Variants in BABAM2 observed in about 807,000 individuals in gnomAD.
The protein encoded by BABAM2 is BRISC and BRCA1-A complex member 2.
A neutral mutation model predicts 54.7 loss-of-function variants in BABAM2; 31 were observed. The ratio of observed to expected loss-of-function variants is 0.57; its 90% confidence interval spans 0.43 to 0.77. The LOEUF is 0.77. Ranked by LOEUF, BABAM2 falls within the 30% of genes least tolerant of loss-of-function variation. The probability of loss-of-function intolerance (pLI) is 0.00; values close to 1 mark genes in which losing one functional copy is unlikely to be tolerated. For synonymous variants in BABAM2, 167 were observed against 162.9 expected (o/e 1.03, Z -0.19); for missense variants, 364 against 455.8 (o/e 0.80, Z 1.83).
chr2:28,031,824 A>C (rs1444960782), intron 5 of BABAM2, among the ~76,000 whole-genome samples: 2 of 152,184 alleles, frequency 1.3e-5, no homozygotes, highest in Admixed American at 6.5e-5. Flanking sequence ...AGAGATGTTC[A>C]GTGGGTTGTA....
At chr2:28,326,917 T>C (rs1251542553) in intron 11 of BABAM2, among the ~76,000 whole-genome samples, 1 of 4,382 alleles carries the variant, frequency 2.3e-4, no homozygotes, top group East Asian at 8.5e-3. Context: ...GGCAGTTTCC[T>C]TTTTCCTTCT....
chr2:27,894,436 G>A, intron 1 of BABAM2, 97 bp from the exon 2 acceptor site: 1 of 1,172,124 alleles, frequency 8.5e-7, no homozygotes, highest in Non-Finnish European at 1.2e-6. Flanking sequence ...ATTTATTCAT[G>A]CAAGAGGAAC....
intron 7 of BABAM2, among the ~76,000 whole-genome samples, chr2:28,172,303 AAAC>A (rs1287656824): frequency 6.6e-6 from 1 of 152,158 alleles, no homozygotes; most frequent in East Asian, 1.9e-4. Context: ...TTTCTCATCA[AAAC>A]AACAAGGACA....
intron 11 of BABAM2, chr2:28,327,159 G>A (rs925039724): frequency 2.3e-5 from 25 of 1,110,502 alleles, no homozygotes; most frequent in Non-Finnish European, 3.0e-5. Context: ...GCCAGAGAAA[G>A]AAGCTGGTCC....
At chr2:28,091,918 A>G (rs1394644151) in intron 6 of BABAM2, among the ~76,000 whole-genome samples, 1 of 152,180 alleles carries the variant, frequency 6.6e-6, no homozygotes, top group Non-Finnish European at 1.5e-5. Flanking sequence ...TGCTAAAATC[A>G]GCTATAAATT....
At chr2:27,946,149 G>C (rs1669282555) in intron 3 of BABAM2, among the ~76,000 whole-genome samples, 1 of 152,098 alleles carries the variant, frequency 6.6e-6, no homozygotes, top group South Asian at 2.1e-4. Context: ...AGGTGTAATT[G>C]TCAGTTCTAG....
At chr2:28,106,288 T>C (rs2148716784) in intron 6 of BABAM2, among the ~76,000 whole-genome samples, 1 of 152,322 alleles carries the variant, frequency 6.6e-6, no homozygotes, top group East Asian at 1.9e-4. Context: ...TCATTTATCA[T>C]CATTGTTATT....
intron 7 of BABAM2, among the ~76,000 whole-genome samples, chr2:28,202,349 C>G (rs190472133): frequency 8.5e-5 from 13 of 152,116 alleles, no homozygotes; most frequent in African/African-American, 2.4e-4. Flanking sequence ...CCCATTGAGT[C>G]CCCCCTTCCC....
intron 4 of BABAM2, among the ~76,000 whole-genome samples, chr2:28,018,117 G>T (rs1291406736): frequency 6.6e-6 from 1 of 152,142 alleles, no homozygotes; most frequent in African/African-American, 2.4e-5. Context: ...TGTGCCCAAC[G>T]TGTAGTCTTT....
At chr2:28,091,129 G>A (rs1259407343) in intron 6 of BABAM2, among the ~76,000 whole-genome samples, 1 of 152,018 alleles carries the variant, frequency 6.6e-6, no homozygotes, top group Non-Finnish European at 1.5e-5. Flanking sequence ...AGATAAGAAA[G>A]TCAATTTGTT....
chr2:28,256,431 A>G (rs1683978299), intron 10 of BABAM2, among the ~76,000 whole-genome samples: 1 of 152,164 alleles, frequency 6.6e-6, no homozygotes, highest in South Asian at 2.1e-4. Flanking sequence ...AAAGATACAC[A>G]TTTATGTAAA....
intron 6 of BABAM2, among the ~76,000 whole-genome samples, chr2:28,092,307 T>G (rs1411463604): frequency 6.6e-6 from 1 of 152,160 alleles, no homozygotes; most frequent in Non-Finnish European, 1.5e-5. Context: ...TAATTGTGTA[T>G]GTACAAGATC....
At chr2:27,961,588 AGGTAACCCCATTGTAAGTT>A (rs1363865285) in intron 3 of BABAM2, among the ~76,000 whole-genome samples, 1 of 152,138 alleles carries the variant, frequency 6.6e-6, no homozygotes, top group South Asian at 2.1e-4. Context: ...GCTTACTGGG[AGGTAACCCCATTGTAAGTT>A]GAGGAGTATC....
chr2:28,247,367 C>A (rs1165174145), intron 10 of BABAM2, among the ~76,000 whole-genome samples: 1 of 152,162 alleles, frequency 6.6e-6, no homozygotes, highest in Non-Finnish European at 1.5e-5. Context: ...ATAGGACTTG[C>A]TACCTCGGAG....
intron 10 of BABAM2, among the ~76,000 whole-genome samples, chr2:28,284,318 CA>C (rs1416057199): frequency 1.3e-5 from 2 of 149,064 alleles, no homozygotes; most frequent in African/African-American, 2.5e-5. Context: ...AGCAAGAAAA[CA>C]AAACAAAAAG....
At chr2:28,262,039 C>T (rs549770505) in intron 10 of BABAM2, among the ~76,000 whole-genome samples, 2 of 152,008 alleles carry the variant, frequency 1.3e-5, no homozygotes, top group African/African-American at 2.4e-5. Context: ...CCAGATGTTA[C>T]GAGAATACAG....
intron 2 of BABAM2, among the ~76,000 whole-genome samples, chr2:27,929,197 C>T (rs1667928140): frequency 1.3e-5 from 2 of 152,122 alleles, no homozygotes; most frequent in Non-Finnish European, 2.9e-5. Flanking sequence ...GCCTGGGCTA[C>T]AGAGTGAGAC....
chr2:28,050,890 GA>G (rs1174448575), intron 6 of BABAM2, among the ~76,000 whole-genome samples: 3 of 152,172 alleles, frequency 2.0e-5, no homozygotes, highest in African/African-American at 7.2e-5. Context: ...GGACATACTT[GA>G]TTTGGGAAGT....
At chr2:28,024,175 C>T (rs560677218) in intron 4 of BABAM2, among the ~76,000 whole-genome samples, 11 of 152,196 alleles carry the variant, frequency 7.2e-5, no homozygotes, top group South Asian at 6.2e-4. Flanking sequence ...GAGGCCGAGG[C>T]GGGCGGATCA....
Sources: allele counts gnomAD v4.1 joint callset (sites outside exome capture counted in the v4.1 genomes callset), GRCh38; gene constraint gnomAD v4.1.1; transcripts MANE v1.5; gene names NCBI Gene and HGNC (gene_info 2026-07-23, HGNC 2026-07-21).